Variants in MAPK9 observed in about 807,000 individuals in gnomAD.
MAPK9 encodes mitogen-activated protein kinase 9.
Under a neutral mutation model 57.1 loss-of-function variants are expected in MAPK9, and 30 were observed. The ratio of observed to expected loss-of-function variants is 0.53; its 90% CI spans 0.39 to 0.71. The LOEUF (loss-of-function observed/expected upper bound fraction) is 0.71. Ranked by LOEUF, MAPK9 falls within the 30% of genes least tolerant of loss-of-function variation. The pLI is 0.00. For missense variants in MAPK9, 362 were observed against 521.0 expected (o/e 0.69, Z 2.97); for synonymous variants, 155 against 177.0 (o/e 0.88, Z 0.99).
rs145467217 is a variant in MAPK9 at position 180,259,404 on chromosome 5, C to T, written c.450+2280G>A. On this transcript the variant is annotated intron_variant, in intron 5 of 11. Coordinates refer to ENST00000452135, the MANE Select transcript of MAPK9 (RefSeq NM_002752.5). The stretch of plus-strand genomic sequence containing the variant: ...TAAGGGATGTGGTCAAGTCTTCAGA[C>T]ATTCCAATTCTCTATGTAAACATGA... Among the ~76,000 whole-genome samples the T allele has an allele frequency of 6.5e-3, 989 of 152,210 alleles. 12 individuals are homozygous for T. Among genetic ancestry groups the T allele is most frequent in the African/African-American group, 0.023 (957 of 41,522 alleles).
At chr5:180,282,913 A>T (rs1762435666) in intron 1 of MAPK9, among the ~76,000 whole-genome samples, 1 of 152,174 alleles carries the variant, frequency 6.6e-6, no homozygotes. Context: ...GAGGAGAAGC[A>T]GCAGAGGCGG....
chr5:180,282,880 G>A (rs1388374283), intron 1 of MAPK9, among the ~76,000 whole-genome samples: 1 of 152,192 alleles, frequency 6.6e-6, no homozygotes, highest in Non-Finnish European at 1.5e-5. Flanking sequence ...ACCCAGTAGG[G>A]TGAAGAAGAT....
At chr5:180,278,572 C>T (rs779963675) in intron 2 of MAPK9, among the ~76,000 whole-genome samples, 11 of 152,034 alleles carry the variant, frequency 7.2e-5, no homozygotes, top group South Asian at 2.1e-4. Flanking sequence ...TGGTGGCGTG[C>T]GCCTGTAGTC....
At chr5:180,285,405 T>G (rs901309941) in intron 1 of MAPK9, among the ~76,000 whole-genome samples, 1 of 152,188 alleles carries the variant, frequency 6.6e-6, no homozygotes, top group Non-Finnish European at 1.5e-5. Context: ...CCTGCACATT[T>G]CACCTTGCTG....
At chr5:180,268,107 A>T (rs1276484666) in intron 3 of MAPK9, among the ~76,000 whole-genome samples, 3 of 152,150 alleles carry the variant, frequency 2.0e-5, no homozygotes, top group Non-Finnish European at 4.4e-5. Flanking sequence ...TACAGGCGTG[A>T]GCCACTGCAC....
chr5:180,255,759 A>C (rs1452061890), intron 5 of MAPK9, among the ~76,000 whole-genome samples: 1 of 152,006 alleles, frequency 6.6e-6, no homozygotes, highest in Non-Finnish European at 1.5e-5. Flanking sequence ...AAGAAGCTAA[A>C]TCAGCATCTT....
chr5:180,275,716 A>C (rs970504551), intron 2 of MAPK9, among the ~76,000 whole-genome samples: 4 of 152,232 alleles, frequency 2.6e-5, no homozygotes, highest in Admixed American at 1.3e-4. Flanking sequence ...GCTGTTTCAC[A>C]GGCACACTTT....
At chr5:180,274,150 A>T (rs1199608086) in intron 2 of MAPK9, among the ~76,000 whole-genome samples, 1 of 151,954 alleles carries the variant, frequency 6.6e-6, no homozygotes, top group African/African-American at 2.4e-5. Flanking sequence ...CAAGTCTTTC[A>T]TATTGTTAGA....
chr5:180,267,534 G>T (rs1228399116), intron 3 of MAPK9, among the ~76,000 whole-genome samples: 5 of 144,492 alleles, frequency 3.5e-5, no homozygotes, highest in African/African-American at 1.3e-4. Flanking sequence ...TGCCCTCCAG[G>T]TTGGGCGACA....
chr5:180,248,115 G>A (rs546106478), intron 6 of MAPK9, among the ~76,000 whole-genome samples: 2 of 152,260 alleles, frequency 1.3e-5, no homozygotes, highest in African/African-American at 2.4e-5. Flanking sequence ...ACTCACTGGC[G>A]GCACAGGCTG....
intron 7 of MAPK9, 166 bp from the exon 8 acceptor site, chr5:180,242,921 T>G (rs1267753415): frequency 9.5e-6 from 5 of 524,626 alleles, no homozygotes; most frequent in Non-Finnish European, 1.7e-5. Context: ...CAAGTTACAC[T>G]ATTTTTTAAA....
intron 7 of MAPK9, among the ~76,000 whole-genome samples, chr5:180,245,404 C>G (rs184096417): frequency 2.6e-5 from 4 of 152,200 alleles, no homozygotes; most frequent in African/African-American, 9.6e-5. Context: ...CTGGGAGGAG[C>G]CTCTTTGCAT....
chr5:180,259,126 G>A (rs1759631389), intron 5 of MAPK9, among the ~76,000 whole-genome samples: 2 of 151,948 alleles, frequency 1.3e-5, no homozygotes, highest in African/African-American at 2.4e-5. Flanking sequence ...CCCTTTGACT[G>A]TAAGGAATGT....
rs1757127222 is a variant in MAPK9 at position 180,235,730 on chromosome 5, G to A, written c.*654C>T. On this transcript the variant is annotated 3_prime_UTR_variant, in exon 12 of 12. Coordinates refer to ENST00000452135, the MANE Select transcript of MAPK9 (RefSeq NM_002752.5). ...TAAAGAAAACAAGATGTCCACATAA[G>A]TGTCTTGGTTTTAGCCGTGATAATT... The A allele has an allele frequency of 6.6e-6, 1 of 152,158 alleles. No individual in the cohort carries two copies. The highest frequency in any genetic ancestry group is 1.5e-5 in the Non-Finnish European group (1 of 68,026). The allele number at this position is 152,158 out of a possible 1,614,324, so 9.4% of individuals were successfully genotyped here. A position where few individuals can be genotyped will look rare whatever the true frequency, so the allele number is the denominator to read the frequency against.
chr5:180,278,982 G>C (rs1446627039), intron 2 of MAPK9, among the ~76,000 whole-genome samples: 1 of 148,564 alleles, frequency 6.7e-6, no homozygotes, highest in Non-Finnish European at 1.5e-5. Context: ...TTTTGAGACG[G>C]AGTCTTGCTC....
chr5:180,272,271 A>AT (rs1165317200), intron 2 of MAPK9, among the ~76,000 whole-genome samples: 1 of 152,230 alleles, frequency 6.6e-6, no homozygotes, highest in African/African-American at 2.4e-5. Context: ...GATAGATGGT[A>AT]TTGCTCTGCC....
intron 1 of MAPK9, among the ~76,000 whole-genome samples, chr5:180,287,873 C>T (rs893978007): frequency 6.6e-6 from 1 of 152,132 alleles, no homozygotes; most frequent in Non-Finnish European, 1.5e-5. Flanking sequence ...TGATTTATTT[C>T]TCAATCCTCT....
intron 2 of MAPK9, among the ~76,000 whole-genome samples, chr5:180,271,244 C>T (rs1761278353): frequency 6.6e-6 from 1 of 152,202 alleles, no homozygotes; most frequent in African/African-American, 2.4e-5. Context: ...TCTAAGTGGG[C>T]ATAAGCTTCC....
intron 1 of MAPK9, among the ~76,000 whole-genome samples, chr5:180,286,600 C>CA (rs937336470): frequency 4.6e-5 from 7 of 151,716 alleles, no homozygotes; most frequent in Admixed American, 2.0e-4. Context: ...TCACTTCACC[C>CA]ACTGTTGGAT....
Sources: gnomAD v4.1 joint callset for allele counts (sites outside exome capture counted in the v4.1 genomes callset) on GRCh38, gnomAD v4.1.1 for gene constraint, MANE v1.5 for transcripts, NCBI Gene and HGNC (gene_info 2026-07-23, HGNC 2026-07-21) for gene names.